The following DMD variants were observed in gnomAD, a reference collection of about 807,000 sequenced individuals.
The protein encoded by DMD is mutant dystrophin.
Under a neutral mutation model 330.1 loss-of-function variants are expected in DMD, and 63 were observed. The ratio of observed to expected loss-of-function variants is 0.19; its 90% CI spans 0.16 to 0.24. DMD has a LOEUF of 0.24. Among genes scored for constraint, DMD ranks in the 10% least tolerant of loss-of-function variants. The pLI is 1.00. For synonymous variants in DMD, 1,223 were observed against 959.8 expected, an observed-to-expected ratio of 1.27 and a Z score of -5.07; for missense variants, 3,344 against 2,684.1, an observed-to-expected ratio of 1.25 and a Z score of -5.43.
intron 17 of DMD, among the ~76,000 whole-genome samples, chrX:32,531,779 G>A (rs1482190988): frequency 1.8e-5 from 2 of 110,313 alleles, no homozygotes; most frequent in Non-Finnish European, 3.8e-5. Context: ...ATAAGGATAA[G>A]TCAATATAGA....
intron 3 of DMD, among the ~76,000 whole-genome samples, chrX:32,847,867 G>A (rs754027620): frequency 7.2e-5 from 8 of 111,836 alleles, no homozygotes; most frequent in Admixed American, 1.9e-4. Context: ...CAAATCATGT[G>A]GATTTTTTAA....
chrX:31,218,129 A>G (rs914440261), intron 64 of DMD, among the ~76,000 whole-genome samples: 1 of 111,551 alleles, frequency 9.0e-6, no homozygotes, highest in African/African-American at 3.3e-5. Context: ...TGAGCAGGAA[A>G]ATCGAATAAT....
At chrX:33,131,884 A>G in intron 1 of DMD, among the ~76,000 whole-genome samples, 1 of 112,231 alleles carries the variant, frequency 8.9e-6, no homozygotes, top group East Asian at 2.8e-4. Context: ...AAGCGTATCA[A>G]TGTTGTAAGA....
At chrX:32,804,538 T>C (rs1016478360) in intron 7 of DMD, among the ~76,000 whole-genome samples, 4 of 112,367 alleles carry the variant, frequency 3.6e-5, no homozygotes, top group Admixed American at 9.3e-5. Flanking sequence ...GGGGCAGCTG[T>C]GGGTGCAGCA....
At chrX:32,538,171 A>C (rs1479217851) in intron 17 of DMD, among the ~76,000 whole-genome samples, 1 of 112,479 alleles carries the variant, frequency 8.9e-6, no homozygotes, top group African/African-American at 3.2e-5. Context: ...CAGGCCTCTG[A>C]GCCCAAGCTA....
At chrX:32,778,545 G>A (rs1406551063) in intron 7 of DMD, among the ~76,000 whole-genome samples, 1 of 112,027 alleles carries the variant, frequency 8.9e-6, no homozygotes, top group Admixed American at 9.5e-5. Flanking sequence ...GAGTAGGTTA[G>A]ACATCTGACA....
intron 44 of DMD, among the ~76,000 whole-genome samples, chrX:32,010,350 C>T (rs1388884509): frequency 9.0e-6 from 1 of 111,471 alleles, no homozygotes; most frequent in Non-Finnish European, 1.9e-5. Flanking sequence ...CATTCAATGA[C>T]GTCACACTGG....
chrX:31,264,203 T>C (rs1027682884), intron 62 of DMD, among the ~76,000 whole-genome samples: 67 of 111,836 alleles, frequency 6.0e-4, no homozygotes, highest in African/African-American at 2.0e-3. Context: ...AGTAACTCCA[T>C]GAGAAGAGCC....
chrX:32,879,922 C>T (rs1454729746), intron 2 of DMD, among the ~76,000 whole-genome samples: 1 of 110,895 alleles, frequency 9.0e-6, no homozygotes, highest in East Asian at 2.8e-4. Context: ...CCTTCCTCTT[C>T]TCCCATTTGA....
chrX:31,647,559 T>C (rs760378334), intron 54 of DMD, among the ~76,000 whole-genome samples: 273 of 112,323 alleles, frequency 2.4e-3, no homozygotes, highest in Middle Eastern at 4.6e-3. Flanking sequence ...GGAGGGTTTT[T>C]TCGTTTACAC....
intron 44 of DMD, among the ~76,000 whole-genome samples, chrX:32,195,728 C>T (rs1284370544): frequency 3.6e-5 from 4 of 111,852 alleles, no homozygotes; most frequent in Non-Finnish European, 7.5e-5. Flanking sequence ...CTAGCAGAAA[C>T]AGCTGAAAAG....
At chrX:31,570,179 A>G (rs1238138840) in intron 55 of DMD, among the ~76,000 whole-genome samples, 1 of 111,409 alleles carries the variant, frequency 9.0e-6, no homozygotes, top group African/African-American at 3.3e-5. Context: ...AAACTTTTGA[A>G]TAGGACTAGT....
intron 60 of DMD, among the ~76,000 whole-genome samples, chrX:31,355,114 T>C (rs761652309): frequency 9.8e-5 from 11 of 112,581 alleles, no homozygotes; most frequent in Non-Finnish European, 1.9e-4. Context: ...AAAGGACCGA[T>C]AACAACATCA....
intron 1 of DMD, among the ~76,000 whole-genome samples, chrX:33,175,762 T>C (rs913203400): frequency 1.7e-4 from 19 of 111,890 alleles, no homozygotes; most frequent in African/African-American, 5.2e-4. Context: ...TTACCTTCTA[T>C]TGTGAAGGAG....
chrX:32,919,365 A>T (rs1184058295), intron 2 of DMD, among the ~76,000 whole-genome samples: 2 of 112,057 alleles, frequency 1.8e-5, no homozygotes, highest in Non-Finnish European at 3.8e-5. Flanking sequence ...ATGTCTAAGA[A>T]CATCCCTAGG....
At chrX:32,603,488 C>T (rs764870415) in intron 12 of DMD, among the ~76,000 whole-genome samples, 86 of 110,040 alleles carry the variant, frequency 7.8e-4, no homozygotes, top group Non-Finnish European at 1.5e-3. Flanking sequence ...CCAAAGCTAG[C>T]AGAATATAAG....
intron 44 of DMD, among the ~76,000 whole-genome samples, chrX:32,207,063 T>C (rs1466408717): frequency 8.9e-6 from 1 of 111,736 alleles, no homozygotes; most frequent in Non-Finnish European, 1.9e-5. Context: ...AAAAAAATGA[T>C]AAAGGTAATC....
rs58505662 is a variant in DMD, at chrX:33,129,325, C to CTTTTTTTTTTTTTTTT, written c.31+81941_31+81956dup. Among the ~76,000 whole-genome samples, 12 of 30,720 alleles carry CTTTTTTTTTTTTTTTT rather than the reference C, an allele frequency of 3.9e-4. 6 individuals are homozygous for CTTTTTTTTTTTTTTTT. The highest frequency in any genetic ancestry group is 6.2e-4 in the Non-Finnish European group (12 of 19,336). 26.7% of individuals were successfully genotyped at this position (30,720 alleles called of 115,157 possible). On this transcript the variant is annotated intron_variant, in intron 1 of 78. Transcript: ENST00000357033. ...AATCCAGAGTTACAGTTAAGGTTTG[C>CTTTTTTTTTTTTTTTT]TTTTTTTTTTTTTTTTTTTTTTTTT...
At chrX:32,397,596 A>C (rs2098054312) in intron 30 of DMD, among the ~76,000 whole-genome samples, 1 of 112,261 alleles carries the variant, frequency 8.9e-6, no homozygotes, top group Admixed American at 9.5e-5. Context: ...TATATATTCA[A>C]AGTAGGAAAA....
Sources: gnomAD v4.1 joint callset for allele counts (sites outside exome capture counted in the v4.1 genomes callset) on GRCh38, gnomAD v4.1.1 for gene constraint, MANE v1.5 for transcripts, NCBI Gene and HGNC (gene_info 2026-07-23, HGNC 2026-07-21) for gene names.